Variants in PDE11A observed in about 807,000 individuals in gnomAD.
The protein encoded by PDE11A is phosphodiesterase 11A.
In PDE11A, 100 loss-of-function variants were observed where a neutral mutation model predicts 100.5. That is an observed-to-expected ratio of 1.00 (90% CI 0.85 to 1.18). PDE11A has a LOEUF of 1.18. Ranked by LOEUF, PDE11A falls within the 50% of genes most tolerant of loss-of-function variation. The probability of loss-of-function intolerance (pLI) is 0.00; values close to 1 mark genes in which losing one functional copy is unlikely to be tolerated. For missense variants in PDE11A, 1,141 were observed against 1,152.6 expected (o/e 0.99, Z 0.15); for synonymous variants, 381 against 420.8 (o/e 0.91, Z 1.16).
chr2:177,899,117 C>G (rs1039775597), intron 3 of PDE11A, among the ~76,000 whole-genome samples: 2 of 152,096 alleles, frequency 1.3e-5, no homozygotes, highest in Non-Finnish European at 2.9e-5. Context: ...GGTACAAACC[C>G]AATATTTTGG....
chr2:177,796,388 C>G (rs982890367), intron 9 of PDE11A, among the ~76,000 whole-genome samples: 8 of 152,264 alleles, frequency 5.3e-5, no homozygotes, highest in Admixed American at 2.0e-4. Context: ...TGCCCCAAGC[C>G]CATTGCCAGT....
chr2:178,061,493 A>C (rs1376569963), intron 1 of PDE11A, among the ~76,000 whole-genome samples: 1 of 152,202 alleles, frequency 6.6e-6, no homozygotes, highest in African/African-American at 2.4e-5. Context: ...AAAGTTTATA[A>C]TAAAGTCTCT....
chr2:177,904,965 C>T, intron 3 of PDE11A, 133 bp downstream of exon 3: 2 of 693,030 alleles, frequency 2.9e-6, no homozygotes, highest in Admixed American at 2.1e-5. Flanking sequence ...CACAGCCTTG[C>T]AGAATTATAC....
At chr2:177,877,601 G>A (rs2084262228) in intron 4 of PDE11A, among the ~76,000 whole-genome samples, 1 of 152,086 alleles carries the variant, frequency 6.6e-6, no homozygotes, top group South Asian at 2.1e-4. Flanking sequence ...AATATTCTCT[G>A]GTTAATAAAA....
intron 1 of PDE11A, among the ~76,000 whole-genome samples, chr2:178,068,231 G>GT (rs750098310): frequency 3.0e-3 from 439 of 144,298 alleles, no homozygotes; most frequent in Non-Finnish European, 4.4e-3. Context: ...AAAAATGAAT[G>GT]TTTTTTTTTT....
intron 2 of PDE11A, among the ~76,000 whole-genome samples, chr2:178,099,251 C>T (rs1487641102): frequency 4.0e-5 from 6 of 151,872 alleles, no homozygotes; most frequent in African/African-American, 1.5e-4. Flanking sequence ...CATGGTGAAA[C>T]CCCGTCTCTA....
At chr2:177,695,413 C>G (rs935591319) in intron 15 of PDE11A, among the ~76,000 whole-genome samples, 2 of 152,138 alleles carry the variant, frequency 1.3e-5, no homozygotes, top group Admixed American at 6.6e-5. Flanking sequence ...CATGGGACAT[C>G]TAACTATCTA....
At chr2:177,758,075 T>A (rs1295007475) in intron 10 of PDE11A, among the ~76,000 whole-genome samples, 1 of 150,286 alleles carries the variant, frequency 6.7e-6, no homozygotes, top group Non-Finnish European at 1.5e-5. Flanking sequence ...AGTGGGTGGA[T>A]CACAAGGTCA....
chr2:177,704,818 G>A (rs964460655), intron 13 of PDE11A, among the ~76,000 whole-genome samples: 6 of 152,118 alleles, frequency 3.9e-5, no homozygotes, highest in Admixed American at 1.3e-4. Flanking sequence ...ATAACAAGCA[G>A]CATTATCTAC....
intron 9 of PDE11A, among the ~76,000 whole-genome samples, chr2:177,790,388 T>C (rs1478776255): frequency 6.6e-6 from 1 of 151,382 alleles, no homozygotes; most frequent in Non-Finnish European, 1.5e-5. Flanking sequence ...AAAAATTAAT[T>C]CAAGATGGAT....
intron 9 of PDE11A, among the ~76,000 whole-genome samples, chr2:177,789,364 AATT>A: frequency 6.6e-6 from 1 of 152,042 alleles, no homozygotes; most frequent in Non-Finnish European, 1.5e-5. Flanking sequence ...ACTCTCAATA[AATT>A]AGGTATTGAT....
intron 1 of PDE11A, among the ~76,000 whole-genome samples, chr2:178,065,566 G>A (rs2087032398): frequency 2.0e-5 from 3 of 152,190 alleles, no homozygotes; most frequent in African/African-American, 7.2e-5. Flanking sequence ...CAGGAAGAGA[G>A]GCTGAAATAG....
At chr2:177,958,138 G>A (rs963196197) in intron 2 of PDE11A, among the ~76,000 whole-genome samples, 3 of 152,000 alleles carry the variant, frequency 2.0e-5, no homozygotes, top group African/African-American at 7.2e-5. Context: ...TGATCCACCT[G>A]CCTCGGCCTC....
At chr2:178,052,633 G>A (rs2086844002) in intron 1 of PDE11A, among the ~76,000 whole-genome samples, 1 of 152,032 alleles carries the variant, frequency 6.6e-6, no homozygotes, top group African/African-American at 2.4e-5. Flanking sequence ...TAATAAAGAA[G>A]AAAAGAAAGA....
intron 13 of PDE11A, among the ~76,000 whole-genome samples, chr2:177,703,315 T>C (rs2081228647): frequency 6.6e-6 from 1 of 152,224 alleles, no homozygotes; most frequent in South Asian, 2.1e-4. Flanking sequence ...TATTATTTTC[T>C]CATTTACACA....
intron 10 of PDE11A, among the ~76,000 whole-genome samples, chr2:177,735,761 T>C (rs1486361873): frequency 1.3e-5 from 2 of 152,194 alleles, no homozygotes; most frequent in Admixed American, 1.3e-4. Context: ...TTTGCCAAGC[T>C]CCAGTGGCCT....
intron 1 of PDE11A, chr2:178,104,561 T>G: frequency 8.7e-7 from 1 of 1,148,982 alleles, no homozygotes; most frequent in South Asian, 1.3e-5. Flanking sequence ...TTCCATCATT[T>G]TGACTGAAGT....
intron 1 of PDE11A, among the ~76,000 whole-genome samples, chr2:178,020,924 G>GGGGTGTGT (rs1491389840): frequency 2.6e-4 from 33 of 125,792 alleles, no homozygotes; most frequent in Non-Finnish European, 4.7e-4. Context: ...TTTTTGTCTT[G>GGGGTGTGT]GTGTGTGTGT....
chr2:177,934,218 C>T (rs1041877699), intron 2 of PDE11A, among the ~76,000 whole-genome samples: 7 of 152,076 alleles, frequency 4.6e-5, no homozygotes, highest in African/African-American at 1.7e-4. Context: ...ATGGAAAAAA[C>T]ATTTGCAAAC....
Sources: gnomAD v4.1 joint callset for allele counts (sites outside exome capture counted in the v4.1 genomes callset) on GRCh38, gnomAD v4.1.1 for gene constraint, MANE v1.5 for transcripts, NCBI Gene and HGNC (gene_info 2026-07-23, HGNC 2026-07-21) for gene names.